The following GRB14 variants were observed in gnomAD, a reference collection of about 807,000 sequenced individuals.
The protein encoded by GRB14 is growth factor receptor-bound protein 14.
In GRB14, 38 loss-of-function variants were observed where a neutral mutation model predicts 69.1. The observed-to-expected ratio is 0.55, with a 90% CI of 0.42 to 0.72. GRB14 has a LOEUF of 0.72. Among genes scored for constraint, GRB14 ranks in the 30% least tolerant of loss-of-function variants. GRB14 has a pLI of 0.00. For missense variants in GRB14, 666 were observed against 666.1 expected (o/e 1.00, Z 0.00); for synonymous variants, 247 against 241.3 (o/e 1.02, Z -0.22).
At chr2:164,530,027 G>T (rs1263680634) in intron 3 of GRB14, among the ~76,000 whole-genome samples, 4 of 152,144 alleles carry the variant, frequency 2.6e-5, no homozygotes, top group African/African-American at 9.7e-5. Flanking sequence ...GGAATACATG[G>T]ACAATAAATA....
intron 2 of GRB14, among the ~76,000 whole-genome samples, chr2:164,580,502 CGAGACCAGCCTGGGCAACATG>C (rs1267580536): frequency 6.6e-6 from 1 of 151,628 alleles, no homozygotes; most frequent in Admixed American, 6.6e-5. Context: ...GTCAGGAGTT[CGAGACCAGCCTGGGCAACATG>C]GTGAAATCCC....
chr2:164,497,634 G>A, intron 9 of GRB14, 144 bp from the exon 10 acceptor site: 1 of 603,500 alleles, frequency 1.7e-6, no homozygotes, highest in Non-Finnish European at 3.0e-6. Flanking sequence ...GGTGCCTGAA[G>A]GGGCTAGCAG....
chr2:164,497,202 C>A lies in GRB14; in HGVS notation c.1294+9G>T, dbSNP rs8192673. On this transcript the variant is annotated intron_variant, in intron 11 of 13. Coordinates refer to ENST00000263915, the MANE Select transcript of GRB14 (RefSeq NM_004490.3). ...TCTACTCAGTGGCAATGACTATGAACAGACATACCCATGTTTGTGGCAGAG... is the reference window on the plus strand; with the variant it reads ...TCTACTCAGTGGCAATGACTATGAAAAGACATACCCATGTTTGTGGCAGAG... 5.6e-6 allele frequency: 9 copies of A among 1,612,042 alleles called. No homozygotes were observed. Among genetic ancestry groups the A allele is most frequent in the Non-Finnish European group, 5.9e-6 (7 of 1,178,422 alleles).
chr2:164,578,769 T>G (rs1045923259), intron 2 of GRB14, among the ~76,000 whole-genome samples: 10 of 152,324 alleles, frequency 6.6e-5, no homozygotes, highest in African/African-American at 2.4e-4. Flanking sequence ...TGGCAGCACC[T>G]GTAAAAATCT....
chr2:164,533,290 T>C (rs1206531766), intron 3 of GRB14, among the ~76,000 whole-genome samples: 1 of 135,710 alleles, frequency 7.4e-6, no homozygotes, highest in Non-Finnish European at 1.5e-5. Context: ...TGGAGTGCAG[T>C]GGCGCAATCT....
At chr2:164,497,807 T>C (rs1686943537) in intron 9 of GRB14, among the ~76,000 whole-genome samples, 1 of 152,174 alleles carries the variant, frequency 6.6e-6, no homozygotes, top group Non-Finnish European at 1.5e-5. Flanking sequence ...CTTTTCACGT[T>C]CTCTAGTAAA....
chr2:164,534,252 A>G (rs186764827), intron 3 of GRB14, among the ~76,000 whole-genome samples: 1 of 152,300 alleles, frequency 6.6e-6, no homozygotes, highest in African/African-American at 2.4e-5. Flanking sequence ...TAGAAATTAT[A>G]TTACATATTC....
intron 3 of GRB14, among the ~76,000 whole-genome samples, chr2:164,528,258 G>A (rs552979204): frequency 6.6e-5 from 10 of 152,148 alleles, no homozygotes; most frequent in African/African-American, 2.4e-4. Flanking sequence ...AGAGTCCATT[G>A]AGTTGTGCAC....
chr2:164,557,067 G>A (rs1009868321), intron 2 of GRB14, among the ~76,000 whole-genome samples: 2 of 152,200 alleles, frequency 1.3e-5, no homozygotes, highest in African/African-American at 4.8e-5. Context: ...GGTGGCTTAG[G>A]TGACTGCTGA....
At chr2:164,620,425 C>T (rs1690427817) in intron 1 of GRB14, among the ~76,000 whole-genome samples, 1 of 151,940 alleles carries the variant, frequency 6.6e-6, no homozygotes, top group South Asian at 2.1e-4. Flanking sequence ...TGTTTTGAGG[C>T]GGTAAGTTAA....
At chr2:164,605,483 G>C (rs1163475942) in intron 2 of GRB14, among the ~76,000 whole-genome samples, 1 of 152,126 alleles carries the variant, frequency 6.6e-6, no homozygotes, top group African/African-American at 2.4e-5. Context: ...CTGCAATTGA[G>C]GCCGTGGAGG....
Position 164,547,691 on chromosome 2 carries a change from G to T in GRB14, c.450C>A (p.Thr150=), listed in dbSNP as rs75035263. 2.5e-6 allele frequency: 4 copies of T among 1,613,596 alleles called. No homozygotes were observed. The Admixed American group carries it at 5.0e-5, about 20-fold the overall frequency. ...KNHYIDDHSW[T]LFEHLPHIGV... Reference sequence around the variant, plus strand: ...CTATGTGAGGCAGGTGCTCAAAAAGGGTCCAGCTGTGGTCATCAATGTAAT... The same window carrying T: ...CTATGTGAGGCAGGTGCTCAAAAAGTGTCCAGCTGTGGTCATCAATGTAAT... Residue 150 remains threonine, a synonymous_variant, in exon 3 of 14, where the codon ACC becomes ACA. Transcript: ENST00000263915.
At position 164,508,483 on chromosome 2, in the gene GRB14, C is replaced by G; in HGVS notation, c.995G>C (p.Cys332Ser). Residue 332 changes from cysteine (C) to serine (S), a missense_variant, in exon 8 of 14, where the codon TGC (cysteine) becomes TCC (serine). By Grantham distance (112) the Cys-to-Ser change is moderately radical. Transcript: ENST00000263915. ...AAGCAATCTAATCGCGGTCACCCAGCACGTCCTACTCTGCTCTTCTTCTGC... is the reference window on the plus strand; with the variant it reads ...AAGCAATCTAATCGCGGTCACCCAGGACGTCCTACTCTGCTCTTCTTCTGC... ...LCAEEEQSRT[C>S]WVTAIRLLKY... 1 of 1,614,082 alleles carries G rather than the reference C, an allele frequency of 6.2e-7. No individual in the cohort carries two copies. Among genetic ancestry groups the G allele is most frequent in the East Asian group, 2.2e-5 (1 of 44,870 alleles).
chr2:164,576,409 TA>T (rs151196227), intron 2 of GRB14, among the ~76,000 whole-genome samples: 9 of 150,800 alleles, frequency 6.0e-5, no homozygotes, highest in Non-Finnish European at 1.2e-4. Context: ...GAAATTGGTT[TA>T]AAAAAAAACT....
At chr2:164,575,478 C>G (rs896730217) in intron 2 of GRB14, among the ~76,000 whole-genome samples, 2 of 151,794 alleles carry the variant, frequency 1.3e-5, no homozygotes, top group Non-Finnish European at 2.9e-5. Flanking sequence ...ATTTAAGAAT[C>G]GTTATGAAAT....
rs56286436 is a variant in GRB14, at chr2:164,526,158, C to T, written c.603+856G>A. Among the ~76,000 whole-genome samples the T allele has an allele frequency of 3.8e-3, 582 of 152,028 alleles. 6 individuals carry two copies. Among genetic ancestry groups the T allele is most frequent in the African/African-American group, 0.013 (530 of 41,472 alleles). On this transcript the variant is annotated intron_variant, in intron 4 of 13. Transcript: ENST00000263915. ...TGCCAAAGATCATCCCATTATGTTT[C>T]TATTAATAGGTTAAGATAAAAGACA...
At chr2:164,586,475 T>C (rs2105342421) in intron 2 of GRB14, among the ~76,000 whole-genome samples, 1 of 152,330 alleles carries the variant, frequency 6.6e-6, no homozygotes, top group African/African-American at 2.4e-5. Flanking sequence ...GATCCCCCTG[T>C]TGTCTTTTAT....
chr2:164,597,724 AGAG>A (rs1689817331), intron 2 of GRB14, among the ~76,000 whole-genome samples: 1 of 151,960 alleles, frequency 6.6e-6, no homozygotes, highest in African/African-American at 2.4e-5. Context: ...GGAGTGAGAG[AGAG>A]GAAGAAGGAG....
chr2:164,536,870 T>C (rs542625956), intron 3 of GRB14, among the ~76,000 whole-genome samples: 64 of 152,324 alleles, frequency 4.2e-4, no homozygotes, highest in East Asian at 5.8e-4. Flanking sequence ...CACCCACCTA[T>C]ATAGTATGTC....
Sources: allele counts gnomAD v4.1 joint callset (sites outside exome capture counted in the v4.1 genomes callset), GRCh38; gene constraint gnomAD v4.1.1; transcripts MANE v1.5; gene names NCBI Gene and HGNC (gene_info 2026-07-23, HGNC 2026-07-21).